Variants in CRLF2 observed in about 807,000 individuals in gnomAD.
The protein encoded by CRLF2 is cytokine receptor-like factor 2.
A neutral mutation model predicts 38.7 loss-of-function variants in CRLF2; 41 were observed. That is an observed-to-expected ratio of 1.06 (90% CI 0.83 to 1.37). CRLF2 has a LOEUF of 1.37. CRLF2 is among the 40% of genes most tolerant of loss of function. The pLI, the probability that CRLF2 is intolerant of heterozygous loss-of-function variation, is 0.00. For missense variants in CRLF2, 377 were observed against 322.2 expected (o/e 1.17, Z -1.30); for synonymous variants, 140 against 128.8 (o/e 1.09, Z -0.59).
intron 4 of CRLF2, chrX:1,199,062 T>G: frequency 4.9e-6 from 2 of 410,154 alleles, no homozygotes; most frequent in Non-Finnish European, 9.4e-6. Flanking sequence ...GGCAGGAGAA[T>G]CGCTTGAACC....
chrX:1,209,344 T>TGTAGTGTAGTGTAG (rs1569473201), intron 1 of CRLF2, among the ~76,000 whole-genome samples: 1 of 107,376 alleles, frequency 9.3e-6, no homozygotes, highest in African/African-American at 3.1e-5. Flanking sequence ...GTGTAGTGTA[T>TGTAGTGTAGTGTAG]TGTGTGAGAC....
chrX:1,197,014 T>A, intron 5 of CRLF2, 114 bp from the exon 6 acceptor site: 1 of 868,562 alleles, frequency 1.2e-6, no homozygotes, highest in Non-Finnish European at 1.7e-6. Flanking sequence ...TTGGTGTTCG[T>A]TTTTTTTTCT....
intron 4 of CRLF2, among the ~76,000 whole-genome samples, chrX:1,201,130 G>C (rs1290153306): frequency 1.3e-5 from 2 of 152,136 alleles, no homozygotes; most frequent in Non-Finnish European, 2.9e-5. Flanking sequence ...TAAACATAGA[G>C]AAGGTACAGG....
At chrX:1,211,228 CATGG>C (rs1197984888) in intron 1 of CRLF2, among the ~76,000 whole-genome samples, 3 of 106,022 alleles carry the variant, frequency 2.8e-5, no homozygotes, top group East Asian at 6.2e-4. Flanking sequence ...TAGATGTGTA[CATGG>C]ATGGGTGGGT....
At position 1,202,465 on chromosome X, in the gene CRLF2, G is replaced by A. The variant is rs774941038; in HGVS notation, c.420C>T (p.Asp140=). Residue 140 remains aspartate, a synonymous_variant, in exon 4 of 8, where the codon GAC becomes GAT. Transcript: ENST00000400841. ...CATAGAGGAGATCCCCGTAGGACAG[G>A]TCAGAACACGTCACCGTCACTGCAT... is the stretch of plus-strand genomic sequence containing the variant. The part of the protein sequence containing the change: ...HQDAVTVTCS[D]LSYGDLLYEV... The A allele has an allele frequency of 6.2e-7, 1 of 1,613,686 alleles. No homozygotes were observed. The highest frequency in any genetic ancestry group is 8.5e-7 in the Non-Finnish European group (1 of 1,179,642).
intron 1 of CRLF2, among the ~76,000 whole-genome samples, chrX:1,211,482 T>C (rs1200410037): frequency 1.3e-5 from 1 of 78,150 alleles, no homozygotes; most frequent in East Asian, 3.6e-4. Flanking sequence ...GATGGATGGA[T>C]GGATGGATGG....
intron 4 of CRLF2, among the ~76,000 whole-genome samples, chrX:1,202,129 TATAG>T (rs1274201676): frequency 1.3e-5 from 2 of 151,890 alleles, no homozygotes; most frequent in Non-Finnish European, 2.9e-5. Context: ...AATAGAATGA[TATAG>T]ATAGATTGAT....
At chrX:1,192,693 T>C (rs1281737718) in intron 7 of CRLF2, among the ~76,000 whole-genome samples, 2 of 149,544 alleles carry the variant, frequency 1.3e-5, no homozygotes, top group Non-Finnish European at 3.0e-5. Context: ...TTCTCTTTCT[T>C]TTTCTTTTCT....
chrX:1,191,959 A>G (rs1311763509), intron 7 of CRLF2, among the ~76,000 whole-genome samples: 1 of 151,292 alleles, frequency 6.6e-6, no homozygotes, highest in South Asian at 2.1e-4. Flanking sequence ...TAATCCCAGC[A>G]CTTTGGGAGG....
chrX:1,194,264 T>G (rs2086442603), intron 6 of CRLF2, among the ~76,000 whole-genome samples: 1 of 151,570 alleles, frequency 6.6e-6, no homozygotes, highest in Non-Finnish European at 1.5e-5. Context: ...CTCTCCAGCC[T>G]GGGCAACAGA....
At chrX:1,210,345 G>A (rs1224630203) in intron 1 of CRLF2, among the ~76,000 whole-genome samples, 2 of 151,906 alleles carry the variant, frequency 1.3e-5, no homozygotes, top group African/African-American at 2.4e-5. Context: ...ACAGAGTCTC[G>A]CTCTGTCGCC....
Position 1,196,730 on chromosome X carries a change from C to G in CRLF2, c.767+50G>C, listed in dbSNP as rs760037631. The G allele has an allele frequency of 6.9e-6, 11 of 1,599,072 alleles. No individual in the cohort carries two copies. In the South Asian group the frequency reaches 1.2e-4, roughly 18 times the overall value. ...TTAATCTTTTTTCGTACTTCACAGA[C>G]ATTGTGCAAGCAGGTCCCTCCACCC... On this transcript the variant is annotated intron_variant, in intron 6 of 7. Transcript: ENST00000400841.
At chrX:1,209,683 A>C (rs781321977) in intron 1 of CRLF2, among the ~76,000 whole-genome samples, 13 of 152,244 alleles carry the variant, frequency 8.5e-5, no homozygotes, top group Non-Finnish European at 1.3e-4. Flanking sequence ...TGCCATGCAC[A>C]GATGTATCTG....
intron 3 of CRLF2, among the ~76,000 whole-genome samples, chrX:1,206,145 A>T (rs2086687705): frequency 6.6e-6 from 1 of 151,692 alleles, no homozygotes; most frequent in Non-Finnish European, 1.5e-5. Flanking sequence ...GATTTACGTG[A>T]GCTTTTCAGT....
At position 1,190,829 on chromosome X, in the gene CRLF2, G is replaced by A. The variant is rs1272154042; in HGVS notation, c.*68C>T. 113,584 of 398,322 alleles carry A rather than the reference G, an allele frequency of 0.29. 16,832 individuals carry two copies. Among genetic ancestry groups the A allele is most frequent in the Non-Finnish European group, 0.31 (70,660 of 225,910 alleles). 24.7% of individuals were successfully genotyped at this position (398,322 alleles called of 1,614,324 possible). On this transcript the variant is annotated 3_prime_UTR_variant, in exon 8 of 8. Coordinates refer to ENST00000400841, the MANE Select transcript of CRLF2 (RefSeq NM_022148.4). ...CCATCCATGGTGGTGTGGAGTCCCCGGGACAGTCCCCTCTGTCTTTAAATG... is the reference window on the plus strand; with the variant it reads ...CCATCCATGGTGGTGTGGAGTCCCCAGGACAGTCCCCTCTGTCTTTAAATG...
At chrX:1,206,628 A>G in intron 2 of CRLF2, 29 bp from the exon 3 acceptor site, 1 of 1,606,072 alleles carries the variant, frequency 6.2e-7, no homozygotes, top group East Asian at 2.2e-5. Flanking sequence ...ACCATTCAGC[A>G]ACAAAACAAA....
intron 5 of CRLF2, 46 bp from the exon 6 acceptor site, chrX:1,196,946 C>T (rs759338150): frequency 2.7e-5 from 43 of 1,582,890 alleles, no homozygotes; most frequent in East Asian, 1.3e-4. Flanking sequence ...ACATGACGTG[C>T]GGCTGTACGT....
In CRLF2 at chrX:1,191,059, C is replaced by T; in HGVS notation, c.954G>A (p.Lys318=). The change falls in exon 8 of 8, where the codon AAG becomes AAA. Residue 318 remains lysine, a synonymous_variant. Coordinates refer to ENST00000400841, the MANE Select transcript of CRLF2 (RefSeq NM_022148.4). ...PEEPLVVQLA[K]TEAESPRMLD... ...GCATCCTGGGAGACTCGGCTTCAGT[C>T]TTGGCCAACTGGACTACCAGGGGCT... 2.5e-6 allele frequency: 1 copy of T among 398,652 alleles called. No homozygotes were observed. 24.7% of individuals were successfully genotyped at this position (398,652 alleles called of 1,614,324 possible).
chrX:1,199,896 T>C (rs1181965317), intron 4 of CRLF2, among the ~76,000 whole-genome samples: 2 of 151,702 alleles, frequency 1.3e-5, no homozygotes, highest in Admixed American at 1.3e-4. Context: ...TATCTATATG[T>C]GTGTGTATAT....
Sources: gnomAD v4.1 joint callset for allele counts (sites outside exome capture counted in the v4.1 genomes callset) on GRCh38, gnomAD v4.1.1 for gene constraint, MANE v1.5 for transcripts, NCBI Gene and HGNC (gene_info 2026-07-23, HGNC 2026-07-21) for gene names.